Variants in OR51B5 observed in about 807,000 individuals in gnomAD.
The protein encoded by OR51B5 is olfactory receptor 51B5.
For synonymous variants in OR51B5, 186 were observed against 144.8 expected (o/e 1.28, Z -2.04); for missense variants, 456 against 374.6 (o/e 1.22, Z -1.79).
intron 1 of OR51B5, among the ~76,000 whole-genome samples, chr11:5,456,847 ATGT>A (rs1009294659): frequency 6.6e-6 from 1 of 152,070 alleles, no homozygotes; most frequent in African/African-American, 2.4e-5. Flanking sequence ...CATCTTCTTG[ATGT>A]TGTTCTCATG....
chr11:5,428,067 C>G (rs1344423073), intron 1 of OR51B5, among the ~76,000 whole-genome samples: 2 of 151,766 alleles, frequency 1.3e-5, no homozygotes, highest in African/African-American at 4.8e-5. Flanking sequence ...TTTAGATTTT[C>G]TTGGATATTT....
intron 1 of OR51B5, among the ~76,000 whole-genome samples, chr11:5,464,304 A>G (rs997908759): frequency 6.6e-6 from 1 of 152,234 alleles, no homozygotes; most frequent in Non-Finnish European, 1.5e-5. Flanking sequence ...TTTTTTAATT[A>G]TACTTTAAGT....
intron 1 of OR51B5, chr11:5,391,301 T>G (rs1849791951): frequency 6.6e-6 from 1 of 152,236 alleles, no homozygotes; most frequent in South Asian, 2.1e-4. Context: ...AGCTCCTCCC[T>G]TTCCAATGGT....
chr11:5,429,786 A>G (rs1850508484), intron 1 of OR51B5, among the ~76,000 whole-genome samples: 1 of 152,244 alleles, frequency 6.6e-6, no homozygotes, highest in African/African-American at 2.4e-5. Context: ...AGGAACAGTG[A>G]TATCAGACTT....
At chr11:5,427,546 G>A (rs529381690) in intron 1 of OR51B5, among the ~76,000 whole-genome samples, 37 of 152,230 alleles carry the variant, frequency 2.4e-4, no homozygotes, top group South Asian at 6.2e-4. Flanking sequence ...TATATGCACA[G>A]TTTAGTATGC....
intron 1 of OR51B5, chr11:5,362,761 TATCTATAA>T (rs149246048): frequency 0.37 from 83,092 of 226,910 alleles, 17,024 homozygotes; most frequent in South Asian, 0.42. Context: ...ACACTTGTGA[TATCTATAA>T]AGAGTATCTC....
intron 1 of OR51B5, among the ~76,000 whole-genome samples, chr11:5,352,968 A>G (rs1053548326): frequency 2.0e-5 from 3 of 150,794 alleles, no homozygotes; most frequent in Non-Finnish European, 4.4e-5. Context: ...CATTTCAGTC[A>G]ATGCCCATTG....
chr11:5,377,789 C>G (rs1464361861), intron 1 of OR51B5, among the ~76,000 whole-genome samples: 1 of 151,822 alleles, frequency 6.6e-6, no homozygotes, highest in Non-Finnish European at 1.5e-5. Context: ...GAACTACAAA[C>G]CACTGCTCAA....
chr11:5,416,105 T>G (rs1850240096), intron 1 of OR51B5, among the ~76,000 whole-genome samples: 1 of 150,198 alleles, frequency 6.7e-6, no homozygotes, highest in Admixed American at 6.7e-5. Context: ...ATCCCTGGGA[T>G]GCAAGGCTGG....
At chr11:5,475,641 T>A (rs1851294182) in intron 1 of OR51B5, among the ~76,000 whole-genome samples, 1 of 152,206 alleles carries the variant, frequency 6.6e-6, no homozygotes, top group African/African-American at 2.4e-5. Context: ...TGATCTAACA[T>A]AAATGGAAAA....
chr11:5,430,532 C>A, intron 1 of OR51B5: 1 of 362,506 alleles, frequency 2.8e-6, no homozygotes, highest in African/African-American at 2.1e-5. Context: ...AAGCCTGTTG[C>A]AATACTTTGA....
intron 1 of OR51B5, among the ~76,000 whole-genome samples, chr11:5,380,513 A>G (rs1849593199): frequency 6.6e-6 from 1 of 152,146 alleles, no homozygotes; most frequent in Non-Finnish European, 1.5e-5. Flanking sequence ...ACACCTAAAA[A>G]GAGTCTGTTG....
chr11:5,462,841 G>A (rs1248326514), intron 1 of OR51B5, among the ~76,000 whole-genome samples: 4 of 152,208 alleles, frequency 2.6e-5, no homozygotes, highest in Admixed American at 1.3e-4. Flanking sequence ...ACTGAGGAGA[G>A]CATTTGCTCG....
intron 1 of OR51B5, chr11:5,440,580 G>A (rs868527198): frequency 3.7e-6 from 6 of 1,612,420 alleles, no homozygotes; most frequent in Non-Finnish European, 5.1e-6. Flanking sequence ...TCAGGCCTGG[G>A]ATTTATGGAA....
intron 1 of OR51B5, among the ~76,000 whole-genome samples, chr11:5,350,025 A>G (rs1849053009): frequency 6.6e-6 from 1 of 152,202 alleles, no homozygotes; most frequent in African/African-American, 2.4e-5. Context: ...ACAGAAAAAA[A>G]GGAAATCATT....
chr11:5,349,050 G>C (rs1179175820), intron 1 of OR51B5, among the ~76,000 whole-genome samples: 3 of 152,122 alleles, frequency 2.0e-5, no homozygotes, highest in African/African-American at 7.2e-5. Context: ...GGCAGAGTTT[G>C]AGACTTTGAG....
At chr11:5,454,285 A>AGCATGTCCCATGCTACAT in intron 1 of OR51B5, 1 of 1,614,210 alleles carries the variant, frequency 6.2e-7, no homozygotes, top group Non-Finnish European at 8.5e-7. Context: ...CGCTTTGGGA[A>AGCATGTCCCATGCTACAT]GCATGTCCCA....
rs182416607 is a variant in OR51B5, at chr11:5,361,456, G to A, written n.85-14546C>T. 4.9e-4 allele frequency among the ~76,000 whole-genome samples: 75 copies of A among 152,196 alleles called. 1 individual carries two copies. In the East Asian group the frequency reaches 7.5e-3, roughly 15 times the overall value. On this transcript the variant is annotated intron_variant and non_coding_transcript_variant, in intron 1 of 4. Transcript: ENST00000415970. ...ATCCAATATCTTGACCAGGCTTAGGGGTTCATAGTCACATCTGTGGCAACA... is the reference window on the plus strand; with the variant it reads ...ATCCAATATCTTGACCAGGCTTAGGAGTTCATAGTCACATCTGTGGCAACA...
At chr11:5,381,321 A>G (rs1178571447) in intron 1 of OR51B5, among the ~76,000 whole-genome samples, 1 of 152,186 alleles carries the variant, frequency 6.6e-6, no homozygotes, top group Non-Finnish European at 1.5e-5. Context: ...TAAGGCCTGA[A>G]TGCCTCACAC....
Sources: allele counts gnomAD v4.1 joint callset (sites outside exome capture counted in the v4.1 genomes callset), GRCh38; gene constraint gnomAD v4.1.1; transcripts MANE v1.5; gene names NCBI Gene and HGNC (gene_info 2026-07-23, HGNC 2026-07-21).